CNTNAP4: variants seen among roughly 807,000 people sequenced by gnomAD.
CNTNAP4 encodes contactin associated protein family member 4, also known as contactin-associated protein-like 4.
Under a neutral mutation model 148.4 loss-of-function variants are expected in CNTNAP4, and 98 were observed. That is an observed-to-expected ratio of 0.66 (90% CI 0.56 to 0.78). The LOEUF (loss-of-function observed/expected upper bound fraction) is 0.78, where lower values mean the gene tolerates loss of function less well. Ranked by LOEUF, CNTNAP4 falls within the 30% of genes least tolerant of loss-of-function variation. The pLI is 0.00. For synonymous variants in CNTNAP4, 730 were observed against 565.1 expected, an observed-to-expected ratio of 1.29 and a Z score of -4.14; for missense variants, 1,935 against 1,565.6, an observed-to-expected ratio of 1.24 and a Z score of -3.98.
intron 2 of CNTNAP4, among the ~76,000 whole-genome samples, chr16:76,326,414 G>A (rs1371702978): frequency 2.6e-5 from 4 of 152,166 alleles, no homozygotes; most frequent in African/African-American, 9.7e-5. Flanking sequence ...ATCTTGCCCA[G>A]CAGGGGATGG....
chr16:76,376,218 A>G (rs2015399250), intron 3 of CNTNAP4, among the ~76,000 whole-genome samples: 3 of 152,208 alleles, frequency 2.0e-5, no homozygotes, highest in African/African-American at 7.2e-5. Flanking sequence ...TGCAAAATTA[A>G]CATAGATCTG....
At chr16:76,521,483 C>T (rs545762433) in intron 16 of CNTNAP4, among the ~76,000 whole-genome samples, 173 bp downstream of exon 16, 9 of 152,232 alleles carry the variant, frequency 5.9e-5, no homozygotes, top group African/African-American at 2.2e-4. Flanking sequence ...TAATTTGATA[C>T]TTAACATGTG....
chr16:76,289,538 T>TTA (rs1959026722), intron 1 of CNTNAP4, among the ~76,000 whole-genome samples: 2 of 151,994 alleles, frequency 1.3e-5, no homozygotes, highest in Non-Finnish European at 2.9e-5. Flanking sequence ...ATTTTTTTTT[T>TTA]TTTTACCAGC....
chr16:76,409,893 ACAC>A (rs2078731644), intron 3 of CNTNAP4, among the ~76,000 whole-genome samples: 1 of 151,858 alleles, frequency 6.6e-6, no homozygotes, highest in Non-Finnish European at 1.5e-5. Context: ...TCACTATACA[ACAC>A]AACAATCACA....
intron 4 of CNTNAP4, among the ~76,000 whole-genome samples, chr16:76,431,822 T>G (rs1466911773): frequency 6.6e-6 from 1 of 152,040 alleles, no homozygotes; most frequent in Non-Finnish European, 1.5e-5. Context: ...TTCCTTCAAA[T>G]TTGAACAACT....
At chr16:76,460,773 A>ATATAT (rs1555564517) in intron 8 of CNTNAP4, among the ~76,000 whole-genome samples, 1,292 of 57,358 alleles carry the variant, frequency 0.023, 167 homozygotes, top group Middle Eastern at 0.083. Flanking sequence ...AAAAAAAAAA[A>ATATAT]ATATATATAT....
intron 15 of CNTNAP4, among the ~76,000 whole-genome samples, chr16:76,502,731 G>A (rs547571459): frequency 2.0e-5 from 3 of 152,044 alleles, no homozygotes; most frequent in African/African-American, 4.8e-5. Context: ...AAAGCCTTGG[G>A]GATGATCTCC....
At chr16:76,480,305 A>G (rs1291113435) in intron 12 of CNTNAP4, among the ~76,000 whole-genome samples, 2 of 152,206 alleles carry the variant, frequency 1.3e-5, no homozygotes, top group Admixed American at 6.5e-5. Flanking sequence ...TATATCAGCA[A>G]TAAAAATTAG....
At chr16:76,547,975 A>G (rs983878729) in intron 21 of CNTNAP4, among the ~76,000 whole-genome samples, 2 of 152,214 alleles carry the variant, frequency 1.3e-5, no homozygotes, top group African/African-American at 4.8e-5. Flanking sequence ...GATTTTTGCA[A>G]ACATCTTGTA....
chr16:76,548,936 T>C (rs572497261), intron 21 of CNTNAP4, among the ~76,000 whole-genome samples: 73 of 152,314 alleles, frequency 4.8e-4, no homozygotes, highest in African/African-American at 1.6e-3. Context: ...AGCAACTTAA[T>C]ATAGCTGCTA....
chr16:76,342,993 C>T (rs765350523), intron 2 of CNTNAP4, among the ~76,000 whole-genome samples: 1 of 152,160 alleles, frequency 6.6e-6, no homozygotes, highest in Non-Finnish European at 1.5e-5. Context: ...CGTGTTTCAG[C>T]TGCCACATTC....
chr16:76,521,389 A>G (rs1421383332), intron 16 of CNTNAP4, 79 bp downstream of exon 16: 2 of 1,150,482 alleles, frequency 1.7e-6, no homozygotes, highest in Admixed American at 2.6e-5. Flanking sequence ...TAAACTACTC[A>G]TGTGTCTACT....
chr16:76,355,840 TTTTATTTATTTATTTATTTATTTATTTA>T (rs138725617), intron 3 of CNTNAP4, among the ~76,000 whole-genome samples: 5 of 141,716 alleles, frequency 3.5e-5, no homozygotes, highest in African/African-American at 1.3e-4. Flanking sequence ...TTGCATTGTC[TTTTATTTATTTATTTATTTATTTATTTA>T]TTTATTTATT....
At chr16:76,523,099 T>C (rs1362206861) in intron 17 of CNTNAP4, among the ~76,000 whole-genome samples, 1 of 152,040 alleles carries the variant, frequency 6.6e-6, no homozygotes, top group Admixed American at 6.6e-5. Context: ...GTTACATGAT[T>C]GGTTTCAGCT....
chr16:76,551,796 TTTTAA>T (rs1431986840), intron 21 of CNTNAP4, among the ~76,000 whole-genome samples: 5 of 152,242 alleles, frequency 3.3e-5, no homozygotes, highest in Admixed American at 2.0e-4. Flanking sequence ...TTGTTTTTAC[TTTTAA>T]TTTAACTTAA....
chr16:76,357,817 A>G (rs1375862666), intron 3 of CNTNAP4, among the ~76,000 whole-genome samples: 1 of 152,174 alleles, frequency 6.6e-6, no homozygotes. Context: ...ACCAGTTAGA[A>G]TGGCACATTT....
chr16:76,361,153 T>G (rs1021445831), intron 3 of CNTNAP4, among the ~76,000 whole-genome samples: 3 of 152,078 alleles, frequency 2.0e-5, no homozygotes, highest in African/African-American at 7.2e-5. Context: ...AAAAAAAACT[T>G]AACATGAAAT....
intron 4 of CNTNAP4, among the ~76,000 whole-genome samples, chr16:76,444,506 A>AT (rs1400403907): frequency 6.6e-6 from 1 of 152,068 alleles, no homozygotes; most frequent in Non-Finnish European, 1.5e-5. Context: ...TGTCACCAGC[A>AT]TTTTTGGACA....
intron 17 of CNTNAP4, among the ~76,000 whole-genome samples, chr16:76,533,690 G>T (rs2084087787): frequency 6.6e-6 from 1 of 151,780 alleles, no homozygotes; most frequent in African/African-American, 2.4e-5. Context: ...AAAAAAAATG[G>T]CAGAAGTAAA....
Sources: allele counts gnomAD v4.1 joint callset (sites outside exome capture counted in the v4.1 genomes callset), GRCh38; gene constraint gnomAD v4.1.1; transcripts MANE v1.5; gene names NCBI Gene and HGNC (gene_info 2026-07-23, HGNC 2026-07-21).